ETNK1: variants seen among roughly 807,000 people sequenced by gnomAD.
ETNK1 encodes ethanolamine kinase 1.
In ETNK1, 8 loss-of-function variants were observed where a neutral mutation model predicts 45.1. That is an observed-to-expected ratio of 0.18 (90% confidence interval 0.10 to 0.32). ETNK1 has a LOEUF of 0.32. ETNK1 is among the 10% of genes least tolerant of loss of function. The probability of loss-of-function intolerance (pLI) is 1.00; values close to 1 mark genes in which losing one functional copy is unlikely to be tolerated. For missense variants in ETNK1, 302 were observed against 430.6 expected (o/e 0.70, Z 2.64); for synonymous variants, 152 against 151.9 (o/e 1.00, Z -0.01).
intron 3 of ETNK1, among the ~76,000 whole-genome samples, chr12:22,660,555 A>AT (rs1044261368): frequency 3.2e-4 from 49 of 152,220 alleles, no homozygotes; most frequent in African/African-American, 7.7e-4. Flanking sequence ...GGATAACTTT[A>AT]TTTTTTATCA....
chr12:22,684,403 A>C, intron 6 of ETNK1, 80 bp from the exon 7 acceptor site: 1 of 940,360 alleles, frequency 1.1e-6, no homozygotes, highest in Non-Finnish European at 1.7e-6. Flanking sequence ...GTTGATTTAG[A>C]GGATAGAATT....
intron 1 of ETNK1, among the ~76,000 whole-genome samples, chr12:22,630,527 A>G (rs1953562851): frequency 6.6e-6 from 1 of 152,200 alleles, no homozygotes. Flanking sequence ...TCACAAAGGC[A>G]ATGAAGCTAG....
rs746531845 is a variant in ETNK1 at position 22,625,240 on chromosome 12, C to G, written c.-191C>G. Reference sequence around the variant, plus strand: ...GAGCGGGCCGGGCTCAGTTCAGCTGCTGTCCAGACCCGGATCGGCAACAGT... The same window carrying G: ...GAGCGGGCCGGGCTCAGTTCAGCTGGTGTCCAGACCCGGATCGGCAACAGT... On this transcript the variant is annotated 5_prime_UTR_variant, in exon 1 of 8. Transcript: ENST00000266517. The G allele has an allele frequency of 6.2e-7, 1 of 1,612,028 alleles. No homozygotes were observed. Among genetic ancestry groups the G allele is most frequent in the South Asian group, 1.1e-5 (1 of 91,020 alleles).
chr12:22,668,481 T>C (rs1954076387), intron 4 of ETNK1, among the ~76,000 whole-genome samples: 1 of 152,228 alleles, frequency 6.6e-6, no homozygotes, highest in African/African-American at 2.4e-5. Context: ...AGTTCCACTT[T>C]GTTTGCAATA....
chr12:22,680,962 G>C (rs1954209977), intron 6 of ETNK1, among the ~76,000 whole-genome samples: 1 of 128,178 alleles, frequency 7.8e-6, no homozygotes, highest in Non-Finnish European at 1.6e-5. Flanking sequence ...ATAAAGCTTT[G>C]AATATTTCTT....
intron 6 of ETNK1, among the ~76,000 whole-genome samples, chr12:22,677,913 G>A (rs1592137031): frequency 6.6e-6 from 1 of 152,190 alleles, no homozygotes; most frequent in East Asian, 1.9e-4. Context: ...ATTTTGAAAA[G>A]CCCTTTATTT....
At chr12:22,666,185 T>G (rs911090551) in intron 4 of ETNK1, among the ~76,000 whole-genome samples, 1 of 152,114 alleles carries the variant, frequency 6.6e-6, no homozygotes, top group East Asian at 1.9e-4. Flanking sequence ...GCTGTCAAGA[T>G]TTTTGAAAAG....
rs369325062 is a variant in ETNK1, at chr12:22,673,734, A to G, written c.945+74A>G. On this transcript the variant is annotated intron_variant, in intron 6 of 7. Transcript: ENST00000266517. The stretch of plus-strand genomic sequence containing the variant: ...AATGCTTCTAAATTTTCGTCATCTT[A>G]GACAATTTCCTATTTTAAGTTTTGT... 48 of 1,390,270 alleles carry G rather than the reference A, an allele frequency of 3.5e-5. 1 individual carries two copies. In the African/African-American group the frequency reaches 6.4e-4, roughly 18 times the overall value. 86.1% of individuals were successfully genotyped at this position (1,390,270 alleles called of 1,614,324 possible). A position where few individuals can be genotyped will look rare whatever the true frequency, so the allele number is the denominator to read the frequency against.
At chr12:22,663,997 A>G (rs1366378158) in intron 4 of ETNK1, among the ~76,000 whole-genome samples, 1 of 151,992 alleles carries the variant, frequency 6.6e-6, no homozygotes, top group East Asian at 1.9e-4. Flanking sequence ...TTCAAATAAA[A>G]ATCTAAAACT....
chr12:22,637,369 A>G (rs1042769418), intron 1 of ETNK1, among the ~76,000 whole-genome samples: 1 of 152,208 alleles, frequency 6.6e-6, no homozygotes, highest in African/African-American at 2.4e-5. Flanking sequence ...TCCTGTCCCC[A>G]TTACTTTGCC....
At chr12:22,668,154 A>T (rs2137565247) in intron 4 of ETNK1, among the ~76,000 whole-genome samples, 1 of 152,300 alleles carries the variant, frequency 6.6e-6, no homozygotes, top group East Asian at 1.9e-4. Flanking sequence ...TCTTCCTAAG[A>T]AAGTGCACAT....
chr12:22,680,894 CCG>C (rs1491423145), intron 6 of ETNK1, among the ~76,000 whole-genome samples: 9,003 of 50,408 alleles, frequency 0.18, 852 homozygotes, highest in Non-Finnish European at 0.26. Context: ...TTTTCTTCCC[CCG>C]CCCCCCCCTC....
rs1467533843 is a variant in ETNK1 at position 22,689,334 on chromosome 12, T to A, written c.*4380T>A. The A allele has an allele frequency of 1.3e-5, 2 of 152,010 alleles. No individual in the cohort carries two copies. The highest frequency in any genetic ancestry group is 2.9e-5 in the Non-Finnish European group (2 of 67,862). The allele number at this position is 152,010 out of a possible 1,614,324, so 9.4% of individuals were successfully genotyped here. On this transcript the variant is annotated 3_prime_UTR_variant, in exon 8 of 8. Transcript: ENST00000266517. ...CTCCTGAAATTTTCTTTCTCTTCTA[T>A]ACTTTATGCACTTACTATACTACTG... is the stretch of plus-strand genomic sequence containing the variant.
At chr12:22,662,056 ACC>A (rs60368698) in intron 4 of ETNK1, among the ~76,000 whole-genome samples, 112,787 of 124,626 alleles carry the variant, frequency 0.91, 51,006 homozygotes, top group Non-Finnish European at 0.95. Context: ...AGTTCCCCGC[ACC>A]CCCCCCCCCT....
At position 22,659,998 on chromosome 12, in the gene ETNK1, C is replaced by A. The variant is rs555245900; in HGVS notation, c.557+844C>A. On this transcript the variant is annotated intron_variant, in intron 3 of 7. Transcript: ENST00000266517. ...TTGTTCATGATTTAAGTTTTATAAT[C>A]CTTCGAATCCCACAATTTTCATTCG... is the stretch of plus-strand genomic sequence containing the variant. 3.6e-3 allele frequency among the ~76,000 whole-genome samples: 540 copies of A among 149,580 alleles called. 6 individuals carry two copies. Among genetic ancestry groups the A allele is most frequent in the African/African-American group, 0.013 (509 of 40,690 alleles).
At chr12:22,665,163 A>G (rs1954042522) in intron 4 of ETNK1, among the ~76,000 whole-genome samples, 1 of 152,164 alleles carries the variant, frequency 6.6e-6, no homozygotes, top group African/African-American at 2.4e-5. Flanking sequence ...ACTTACAGAA[A>G]TAAGTAGTAT....
chr12:22,643,903 G>A lies in ETNK1; in HGVS notation c.297G>A (p.Val99=). ...ATGAGGAAGTAAAGAGTTTTCGAGT[G>A]TTGCAGGCTCATGGGTGTGCACCAC... ...DRDEEVKSFR[V]LQAHGCAPQL... The change falls in exon 2 of 8, where the codon GTG becomes GTA. Residue 99 remains valine (V), a synonymous_variant. Coordinates refer to ENST00000266517, the MANE Select transcript of ETNK1 (RefSeq NM_018638.5). 6.2e-7 allele frequency: 1 copy of A among 1,613,498 alleles called. No individual in the cohort carries two copies. The highest frequency in any genetic ancestry group is 8.5e-7 in the Non-Finnish European group (1 of 1,179,544).
chr12:22,662,217 A>G (rs1954008762), intron 4 of ETNK1, among the ~76,000 whole-genome samples: 1 of 147,514 alleles, frequency 6.8e-6, no homozygotes. Flanking sequence ...ACAGGTGCAC[A>G]TCACCATGCC....
intron 4 of ETNK1, among the ~76,000 whole-genome samples, chr12:22,664,003 A>G (rs924917497): frequency 2.6e-5 from 4 of 151,976 alleles, no homozygotes; most frequent in Non-Finnish European, 5.9e-5. Context: ...TAAAAATCTA[A>G]AACTAAAGTA....
Sources: gnomAD v4.1 joint callset for allele counts (sites outside exome capture counted in the v4.1 genomes callset) on GRCh38, gnomAD v4.1.1 for gene constraint, MANE v1.5 for transcripts, NCBI Gene and HGNC (gene_info 2026-07-23, HGNC 2026-07-21) for gene names.